The following DKK2 variants were observed in gnomAD, a reference collection of about 807,000 sequenced individuals.
The protein encoded by DKK2 is dickkopf Wnt signaling pathway inhibitor 2.
Under a neutral mutation model 28.1 loss-of-function variants are expected in DKK2, and 11 were observed. The observed-to-expected ratio is 0.39, with a 90% CI of 0.25 to 0.65. DKK2 has a LOEUF of 0.65. Among genes scored for constraint, DKK2 ranks in the 30% least tolerant of loss-of-function variants. The pLI, the probability that DKK2 is intolerant of heterozygous loss-of-function variation, is 0.47. For synonymous variants in DKK2, 135 were observed against 126.5 expected (o/e 1.07, Z -0.45); for missense variants, 326 against 335.5 (o/e 0.97, Z 0.22).
intron 1 of DKK2, among the ~76,000 whole-genome samples, chr4:106,966,798 C>A (rs564920193): frequency 2.9e-4 from 44 of 152,196 alleles, no homozygotes; most frequent in African/African-American, 1.0e-3. Flanking sequence ...TATTTGAAAC[C>A]AACAGATCTC....
intron 1 of DKK2, among the ~76,000 whole-genome samples, chr4:106,986,642 G>A (rs1243659441): frequency 6.6e-6 from 1 of 152,096 alleles, no homozygotes; most frequent in Non-Finnish European, 1.5e-5. Flanking sequence ...TGTAACTAGA[G>A]TGACTCATTC....
chr4:106,988,058 G>T lies in DKK2; in HGVS notation c.222+47312C>A, dbSNP rs1047418285. ...TTTTTATATTTTTAATAGAGACAGG[G>T]TTTCACCATGTTAGCCAGGATGGTC... On this transcript the variant is annotated intron_variant, in intron 1 of 3. Transcript: ENST00000285311. 5.9e-5 allele frequency among the ~76,000 whole-genome samples: 9 copies of T among 152,184 alleles called. 1 individual carries two copies. Among genetic ancestry groups the T allele is most frequent in the Admixed American group, 5.9e-4 (9 of 15,292 alleles).
intron 1 of DKK2, among the ~76,000 whole-genome samples, chr4:107,019,503 G>A (rs1723661005): frequency 6.6e-6 from 1 of 151,988 alleles, no homozygotes; most frequent in Non-Finnish European, 1.5e-5. Flanking sequence ...TATAAAGTAA[G>A]TGCTCCACAA....
chr4:106,949,720 G>A (rs1724830721), intron 1 of DKK2, among the ~76,000 whole-genome samples: 1 of 152,096 alleles, frequency 6.6e-6, no homozygotes, highest in Non-Finnish European at 1.5e-5. Flanking sequence ...TATTGAACAA[G>A]TTATCTCTTG....
intron 1 of DKK2, among the ~76,000 whole-genome samples, chr4:107,021,045 T>C (rs1723684313): frequency 6.6e-6 from 1 of 152,138 alleles, no homozygotes; most frequent in African/African-American, 2.4e-5. Context: ...TATTCCATTA[T>C]ATTTTAAATT....
intron 1 of DKK2, among the ~76,000 whole-genome samples, chr4:106,933,030 TACTTAATCATAA>T (rs1440521807): frequency 6.6e-6 from 1 of 152,222 alleles, no homozygotes; most frequent in Non-Finnish European, 1.5e-5. Flanking sequence ...TTTCCCTGCT[TACTTAATCATAA>T]AAATTCCATG....
chr4:107,035,707 T>G lies in DKK2; in HGVS notation c.-116A>C. On this transcript the variant is annotated 5_prime_UTR_variant, in exon 1 of 4. Transcript: ENST00000285311. ...GGGTCGCGGGGGCTTGCAGATTGTG[T>G]TCCCTCAACCCTTCCTGGTTCGGGG... The G allele has an allele frequency of 9.7e-7, 1 of 1,027,430 alleles. No individual in the cohort carries two copies. The highest frequency in any genetic ancestry group is 1.4e-6 in the Non-Finnish European group (1 of 692,616). The allele number at this position is 1,027,430 out of a possible 1,614,324, so 63.6% of individuals were successfully genotyped here. A position where few individuals can be genotyped will look rare whatever the true frequency, so the allele number is the denominator to read the frequency against.
chr4:107,020,021 G>C (rs1723667572), intron 1 of DKK2, among the ~76,000 whole-genome samples: 2 of 151,960 alleles, frequency 1.3e-5, no homozygotes, highest in Admixed American at 6.6e-5. Flanking sequence ...AAAAAAATTA[G>C]TGGTGAGGTT....
intron 1 of DKK2, among the ~76,000 whole-genome samples, chr4:106,999,088 A>G (rs1362904858): frequency 1.3e-5 from 2 of 152,182 alleles, no homozygotes; most frequent in Non-Finnish European, 2.9e-5. Context: ...GGATTAAAAA[A>G]TCTGAATTAG....
intron 1 of DKK2, among the ~76,000 whole-genome samples, chr4:106,964,999 A>T (rs1404499611): frequency 6.7e-6 from 1 of 149,820 alleles, no homozygotes; most frequent in African/African-American, 2.5e-5. Flanking sequence ...ATAGATAGAT[A>T]GATAGATTGA....
In DKK2 at chr4:106,922,900, T is replaced by G. The variant is rs1413133747; in HGVS notation, c.*1054A>C. 1 of 152,170 alleles carries G rather than the reference T, an allele frequency of 6.6e-6. No individual in the cohort carries two copies. The highest frequency in any genetic ancestry group is 1.5e-5 in the Non-Finnish European group (1 of 68,034). The allele number at this position is 152,170 out of a possible 1,614,324, so 9.4% of individuals were successfully genotyped here. A position where few individuals can be genotyped will look rare whatever the true frequency, so the allele number is the denominator to read the frequency against. On this transcript the variant is annotated 3_prime_UTR_variant, in exon 4 of 4. Coordinates refer to ENST00000285311, the MANE Select transcript of DKK2 (RefSeq NM_014421.3). Reference sequence around the variant, plus strand: ...GAACAAACGAAAAAGTTTTCCCAATTTTCTTGCTTACTCCAGTGCAGTACA... The same window carrying G: ...GAACAAACGAAAAAGTTTTCCCAATGTTCTTGCTTACTCCAGTGCAGTACA...
chr4:106,939,880 T>C (rs1724666689), intron 1 of DKK2, among the ~76,000 whole-genome samples: 1 of 152,166 alleles, frequency 6.6e-6, no homozygotes. Flanking sequence ...ATTTAATAAA[T>C]GGTGCTGGGA....
At chr4:106,959,719 A>T (rs765670669) in intron 1 of DKK2, among the ~76,000 whole-genome samples, 13 of 151,948 alleles carry the variant, frequency 8.6e-5, no homozygotes, top group Admixed American at 7.9e-4. Context: ...GCAAAAGTTC[A>T]CTCCTCGTTC....
intron 1 of DKK2, among the ~76,000 whole-genome samples, chr4:107,003,611 A>C (rs961362391): frequency 2.6e-5 from 4 of 152,202 alleles, no homozygotes; most frequent in Non-Finnish European, 4.4e-5. Context: ...TCATAATTCC[A>C]CAGATGGTAG....
chr4:106,927,808 C>T (rs1342927608), intron 1 of DKK2, among the ~76,000 whole-genome samples: 2 of 152,170 alleles, frequency 1.3e-5, no homozygotes, highest in Non-Finnish European at 2.9e-5. Context: ...TTTATTTCAT[C>T]AAATTGTTTT....
At position 107,005,744 on chromosome 4, in the gene DKK2, T is replaced by C. The variant is rs140045198; in HGVS notation, c.222+29626A>G. Among the ~76,000 whole-genome samples, 659 of 152,318 alleles carry C rather than the reference T, an allele frequency of 4.3e-3. 4 individuals are homozygous for C. Among genetic ancestry groups the C allele is most frequent in the African/African-American group, 0.015 (638 of 41,572 alleles). On this transcript the variant is annotated intron_variant, in intron 1 of 3. Transcript: ENST00000285311. ...AGATTTTTATTTTATTAGCATTTCA[T>C]TTTTAGTTTCTGATAGATTCATATA...
At chr4:107,005,507 G>T (rs1723425847) in intron 1 of DKK2, among the ~76,000 whole-genome samples, 1 of 151,954 alleles carries the variant, frequency 6.6e-6, no homozygotes, top group African/African-American at 2.4e-5. Context: ...CTTCCTTCTT[G>T]ATGCCTTTAA....
chr4:107,030,549 C>G (rs145805424), intron 1 of DKK2, among the ~76,000 whole-genome samples: 1 of 151,770 alleles, frequency 6.6e-6, no homozygotes. Flanking sequence ...TAACTAAAAA[C>G]GGGTTTATCT....
chr4:107,035,542 A>G lies in DKK2; in HGVS notation c.50T>C (p.Leu17Pro). Residue 17 changes from leucine (L) to proline (P), a missense_variant, in exon 1 of 4, where the codon CTG (leucine) becomes CCG (proline). By Grantham distance (98) the Leu-to-Pro change is moderately conservative. Transcript: ENST00000285311. ...GCTCTCCACCATCAGCACCGCGGCC[A>G]GTAGGAGCAGGCAGCAGGACGAATC... is the stretch of plus-strand genomic sequence containing the variant. ...SKDSSCCLLL[L>P]AAVLMVESSQ... is the part of the protein sequence containing the mutation. 1 of 1,614,190 alleles carries G rather than the reference A, an allele frequency of 6.2e-7. No homozygotes were observed. Among genetic ancestry groups the G allele is most frequent in the Non-Finnish European group, 8.5e-7 (1 of 1,180,036 alleles).
Sources: gnomAD v4.1 joint callset for allele counts (sites outside exome capture counted in the v4.1 genomes callset) on GRCh38, gnomAD v4.1.1 for gene constraint, MANE v1.5 for transcripts, NCBI Gene and HGNC (gene_info 2026-07-23, HGNC 2026-07-21) for gene names.